DMD: variants seen among roughly 807,000 people sequenced by gnomAD.
The protein encoded by DMD is mutant dystrophin.
A neutral mutation model predicts 330.1 loss-of-function variants in DMD; 63 were observed. That is an observed-to-expected ratio of 0.19 (90% confidence interval 0.16 to 0.24). The LOEUF is 0.24. DMD is among the 10% of genes least tolerant of loss of function. The probability of loss-of-function intolerance (pLI) is 1.00; values close to 1 mark genes in which losing one functional copy is unlikely to be tolerated. For synonymous variants in DMD, 1,223 were observed against 959.8 expected, an observed-to-expected ratio of 1.27 and a Z score of -5.07; for missense variants, 3,344 against 2,684.1, an observed-to-expected ratio of 1.25 and a Z score of -5.43.
At chrX:33,214,427 G>T (rs1005707345), upstream of DMD, among the ~76,000 whole-genome samples, 1 of 111,154 alleles carries the variant, frequency 9.0e-6, no homozygotes, top group East Asian at 2.8e-4. Context: ...TGTTTTTACC[G>T]CATTGATTCC....
intron 7 of DMD, among the ~76,000 whole-genome samples, chrX:32,731,815 AAC>A (rs1196027648): frequency 8.9e-6 from 1 of 112,078 alleles, no homozygotes; most frequent in Non-Finnish European, 1.9e-5. Context: ...ATGGGGAAGA[AAC>A]AGAGCAGAAA....
chrX:32,840,277 A>G (rs2080047312), intron 4 of DMD, among the ~76,000 whole-genome samples: 1 of 111,876 alleles, frequency 8.9e-6, no homozygotes, highest in South Asian at 3.7e-4. Context: ...TATTTTCTGT[A>G]AGAAATGTGG....
chrX:32,071,443 G>C (rs939497833), intron 44 of DMD, among the ~76,000 whole-genome samples: 2 of 101,688 alleles, frequency 2.0e-5, no homozygotes, highest in African/African-American at 7.3e-5. Context: ...TCGCTCATAG[G>C]TGGGAATTGA....
At chrX:32,379,582 T>C (rs2097916755) in intron 34 of DMD, among the ~76,000 whole-genome samples, 1 of 111,710 alleles carries the variant, frequency 9.0e-6, no homozygotes, top group Admixed American at 9.6e-5. Context: ...TTTAATTCCC[T>C]ACTATTTATT....
chrX:32,420,005 A>C (rs2098183234), intron 29 of DMD, among the ~76,000 whole-genome samples: 1 of 111,604 alleles, frequency 9.0e-6, no homozygotes, highest in African/African-American at 3.3e-5. Context: ...ACAGGAGCAA[A>C]CTGATGCTTT....
chrX:33,285,251 T>C (rs1018883460), intron 1 of DMD, among the ~76,000 whole-genome samples: 3 of 111,941 alleles, frequency 2.7e-5, no homozygotes, highest in African/African-American at 9.7e-5. Flanking sequence ...AACCAGTCAT[T>C]ATTCTTCTTA....
At chrX:32,760,090 AATT>A (rs1261693326) in intron 7 of DMD, among the ~76,000 whole-genome samples, 1 of 95,155 alleles carries the variant, frequency 1.1e-5, no homozygotes, top group African/African-American at 4.0e-5. Context: ...TGACTCTTGT[AATT>A]ATTCTTCTTA....
intron 7 of DMD, among the ~76,000 whole-genome samples, chrX:32,751,434 T>A (rs2070796025): frequency 9.0e-6 from 1 of 111,523 alleles, no homozygotes; most frequent in South Asian, 3.8e-4. Flanking sequence ...TAGGGAACTT[T>A]GAGCTTGAGA....
At chrX:31,835,091 G>A (rs1019547032) in intron 49 of DMD, among the ~76,000 whole-genome samples, 8 of 111,763 alleles carry the variant, frequency 7.2e-5, no homozygotes, top group African/African-American at 2.3e-4. Context: ...GTGGAGGTGC[G>A]ATAAGTTAGC....
At position 31,824,381 on chromosome X, in the gene DMD, A is replaced by G. The variant is rs747850747; in HGVS notation, c.7201-4298T>C. Among the ~76,000 whole-genome samples the G allele has an allele frequency of 9.1e-5, 10 of 110,123 alleles. No individual in the cohort carries two copies. In the East Asian group the frequency reaches 2.8e-3, roughly 31 times the overall value. On this transcript the variant is annotated intron_variant, in intron 49 of 78. Coordinates refer to ENST00000357033, the MANE Select transcript of DMD (RefSeq NM_004006.3). ...TGGGTTCAAGTGATTCTCCTGCCTC[A>G]GCCTCCCGGTAGCTGGGATTACAGG...
At chrX:32,880,108 G>T (rs1453688341) in intron 2 of DMD, among the ~76,000 whole-genome samples, 1 of 110,947 alleles carries the variant, frequency 9.0e-6, no homozygotes. Context: ...TGTATCCCCA[G>T]TCCACCTTTC....
chrX:32,475,002 G>C (rs896129366), intron 21 of DMD, among the ~76,000 whole-genome samples: 1 of 111,484 alleles, frequency 9.0e-6, no homozygotes, highest in Non-Finnish European at 1.9e-5. Context: ...TTAGGTTTAA[G>C]TCTTTAAACC....
rs146929347 is a variant in DMD, at chrX:32,570,978, G to A, written c.1812+2552C>T. ...CTGGCATGTGGTACTTTCCAAAGAT[G>A]GCTGTAAAATATCCTCATCTCAGAT... On this transcript the variant is annotated intron_variant, in intron 15 of 78. Transcript: ENST00000357033. Among the ~76,000 whole-genome samples, 484 of 111,553 alleles carry A rather than the reference G, an allele frequency of 4.3e-3. 4 individuals carry two copies. The highest frequency in any genetic ancestry group is 0.015 in the African/African-American group (464 of 30,774).
intron 17 of DMD, among the ~76,000 whole-genome samples, chrX:32,534,516 C>T (rs2047772804): frequency 9.0e-6 from 1 of 111,319 alleles, no homozygotes; most frequent in Admixed American, 9.5e-5. Flanking sequence ...CTTCCTGAGA[C>T]CTCCCCAGAA....
At chrX:31,576,142 T>C (rs5927773) in intron 55 of DMD, among the ~76,000 whole-genome samples, 14,871 of 111,451 alleles carry the variant, frequency 0.13, 844 homozygotes, top group Middle Eastern at 0.23. Flanking sequence ...TAGTACATTA[T>C]CATCAAAGCT....
chrX:31,516,517 G>C (rs968563439), intron 55 of DMD, among the ~76,000 whole-genome samples: 1 of 111,336 alleles, frequency 9.0e-6, no homozygotes, highest in Non-Finnish European at 1.9e-5. Flanking sequence ...CAGAGTTGTC[G>C]TCCCAAGAGA....
intron 61 of DMD, among the ~76,000 whole-genome samples, chrX:31,326,929 C>G (rs2056823487): frequency 8.9e-6 from 1 of 112,286 alleles, no homozygotes; most frequent in Admixed American, 9.5e-5. Context: ...CCAGTGGAAG[C>G]TTGTCATTCT....
chrX:33,045,636 C>T (rs1428679173), intron 1 of DMD, among the ~76,000 whole-genome samples: 1 of 109,117 alleles, frequency 9.2e-6, no homozygotes, highest in African/African-American at 3.3e-5. Context: ...AGCTAGAAGC[C>T]GTGTGGGGGT....
chrX:32,462,399 G>A (rs1169384989), intron 25 of DMD, among the ~76,000 whole-genome samples: 7 of 111,755 alleles, frequency 6.3e-5, no homozygotes, highest in East Asian at 2.8e-4. Flanking sequence ...GCAGATGATC[G>A]GGGACTAATG....
Sources: allele counts gnomAD v4.1 joint callset (sites outside exome capture counted in the v4.1 genomes callset), GRCh38; gene constraint gnomAD v4.1.1; transcripts MANE v1.5; gene names NCBI Gene and HGNC (gene_info 2026-07-23, HGNC 2026-07-21).